The following ADAMTS6 variants were observed in gnomAD, a reference collection of about 807,000 sequenced individuals.
The protein encoded by ADAMTS6 is ADAM metallopeptidase with thrombospondin type 1 motif 6.
Under a neutral mutation model 144.3 loss-of-function variants are expected in ADAMTS6, and 23 were observed. That is an observed-to-expected ratio of 0.16 (90% CI 0.11 to 0.23). The LOEUF (loss-of-function observed/expected upper bound fraction) is 0.23, where lower values mean the gene tolerates loss of function less well. Among genes scored for constraint, ADAMTS6 ranks in the 10% least tolerant of loss-of-function variants. ADAMTS6 has a pLI of 1.00. For missense variants in ADAMTS6, 999 were observed against 1,379.6 expected, an observed-to-expected ratio of 0.72 and a Z score of 4.37; for synonymous variants, 444 against 457.5, an observed-to-expected ratio of 0.97 and a Z score of 0.38.
chr5:65,324,378 CTT>C (rs759600657), intron 9 of ADAMTS6, among the ~76,000 whole-genome samples: 16 of 151,886 alleles, frequency 1.1e-4, no homozygotes, highest in Non-Finnish European at 1.8e-4. Context: ...ATATGCAAAG[CTT>C]TTTTAGGACA....
chr5:65,465,161 C>G (rs1047827943), intron 3 of ADAMTS6, among the ~76,000 whole-genome samples: 2 of 152,162 alleles, frequency 1.3e-5, no homozygotes, highest in African/African-American at 2.4e-5. Context: ...ATATATTTAT[C>G]AAGTTCATTC....
intron 9 of ADAMTS6, among the ~76,000 whole-genome samples, chr5:65,302,370 A>G (rs1286503057): frequency 6.8e-6 from 1 of 146,430 alleles, no homozygotes; most frequent in East Asian, 2.0e-4. Flanking sequence ...GTTATATGTA[A>G]ATATATATTA....
intron 20 of ADAMTS6, among the ~76,000 whole-genome samples, chr5:65,203,929 G>C (rs1395635381): frequency 6.6e-6 from 1 of 152,148 alleles, no homozygotes; most frequent in Non-Finnish European, 1.5e-5. Context: ...CTCAAACTGT[G>C]GTTTCAGATT....
intron 9 of ADAMTS6, among the ~76,000 whole-genome samples, chr5:65,322,865 G>A (rs542970418): frequency 3.3e-5 from 5 of 152,012 alleles, no homozygotes; most frequent in Admixed American, 6.6e-5. Context: ...TTCGAATGCC[G>A]TTTATTTCTT....
At chr5:65,175,656 G>C (rs1365876899) in intron 22 of ADAMTS6, among the ~76,000 whole-genome samples, 1 of 151,424 alleles carries the variant, frequency 6.6e-6, no homozygotes, top group Non-Finnish European at 1.5e-5. Flanking sequence ...ATAACTTTTA[G>C]AGGAAACCTC....
intron 11 of ADAMTS6, among the ~76,000 whole-genome samples, chr5:65,278,717 T>C (rs928389874): frequency 3.3e-5 from 5 of 152,232 alleles, no homozygotes; most frequent in African/African-American, 4.8e-5. Context: ...TCTTTCTTTT[T>C]GACATACATC....
intron 8 of ADAMTS6, among the ~76,000 whole-genome samples, chr5:65,332,353 AATGTGTGT>A (rs1357008845): frequency 1.4e-5 from 2 of 147,936 alleles, no homozygotes; most frequent in East Asian, 2.0e-4. Context: ...TATATGTGCA[AATGTGTGT>A]ATGTGTGTAT....
At chr5:65,412,102 C>T (rs1357109141) in intron 7 of ADAMTS6, among the ~76,000 whole-genome samples, 1 of 151,932 alleles carries the variant, frequency 6.6e-6, no homozygotes, top group African/African-American at 2.4e-5. Context: ...AATTTAAGTA[C>T]AAAGTAAAGT....
chr5:65,223,889 T>C (rs1306305712), intron 18 of ADAMTS6, among the ~76,000 whole-genome samples: 1 of 151,176 alleles, frequency 6.6e-6, no homozygotes, highest in Non-Finnish European at 1.5e-5. Context: ...AAGCTCTGCC[T>C]CCTGGGTTCA....
At chr5:65,459,121 C>G (rs772303092) in intron 4 of ADAMTS6, among the ~76,000 whole-genome samples, 1 of 151,652 alleles carries the variant, frequency 6.6e-6, no homozygotes, top group East Asian at 1.9e-4. Context: ...AAGCTATCCT[C>G]CCGCCTCTTG....
At chr5:65,237,560 T>C (rs1203161900) in intron 15 of ADAMTS6, among the ~76,000 whole-genome samples, 1 of 151,998 alleles carries the variant, frequency 6.6e-6, no homozygotes, top group Non-Finnish European at 1.5e-5. Flanking sequence ...ATAACACCAA[T>C]CCTAAAATTC....
At chr5:65,389,191 G>A (rs1420039082) in intron 7 of ADAMTS6, among the ~76,000 whole-genome samples, 2 of 151,578 alleles carry the variant, frequency 1.3e-5, no homozygotes, top group Non-Finnish European at 2.9e-5. Flanking sequence ...GCGACAGAGC[G>A]AGACTCCATC....
chr5:65,185,169 T>C (rs1754595411), intron 22 of ADAMTS6, among the ~76,000 whole-genome samples: 1 of 152,216 alleles, frequency 6.6e-6, no homozygotes, highest in African/African-American at 2.4e-5. Flanking sequence ...ACAGGCTCCT[T>C]GTTCTCATTT....
intron 24 of ADAMTS6, among the ~76,000 whole-genome samples, chr5:65,152,346 C>G (rs572887740): frequency 2.2e-4 from 34 of 152,266 alleles, no homozygotes; most frequent in South Asian, 1.7e-3. Context: ...GCAAGGTTAT[C>G]CAAAATCAAA....
chr5:65,371,758 G>T (rs2150120894), intron 7 of ADAMTS6, among the ~76,000 whole-genome samples: 1 of 152,174 alleles, frequency 6.6e-6, no homozygotes, highest in South Asian at 2.1e-4. Flanking sequence ...TCAGATGCAG[G>T]AAATACAGAA....
At chr5:65,384,443 C>T (rs915804173) in intron 7 of ADAMTS6, among the ~76,000 whole-genome samples, 1 of 152,158 alleles carries the variant, frequency 6.6e-6, no homozygotes, top group African/African-American at 2.4e-5. Flanking sequence ...CCATCTTTCA[C>T]AAAGCAGCAG....
intron 1 of ADAMTS6, among the ~76,000 whole-genome samples, chr5:65,474,221 G>C (rs904876828): frequency 6.6e-6 from 1 of 152,042 alleles, no homozygotes; most frequent in African/African-American, 2.4e-5. Flanking sequence ...AAACTTTGAA[G>C]ATAACAATGA....
At chr5:65,253,738 A>AC (rs1760392707) in intron 14 of ADAMTS6, among the ~76,000 whole-genome samples, 3 of 151,456 alleles carry the variant, frequency 2.0e-5, no homozygotes, top group African/African-American at 7.3e-5. Flanking sequence ...CAGACATAAT[A>AC]CCATACTGTT....
chr5:65,451,748 T>G lies in ADAMTS6; in HGVS notation c.928-128A>C. 7 of 1,106,080 alleles carry G rather than the reference T, an allele frequency of 6.3e-6. No individual in the cohort carries two copies. In the South Asian group the frequency reaches 1.0e-4, roughly 16 times the overall value. The allele number at this position is 1,106,080 out of a possible 1,614,324, so 68.5% of individuals were successfully genotyped here. ...TCTAGGAATAATCTCTTGCCAATTTTTATCTCTGTAATATCTGACCTAGAG... is the reference window on the plus strand; with the variant it reads ...TCTAGGAATAATCTCTTGCCAATTTGTATCTCTGTAATATCTGACCTAGAG... On this transcript the variant is annotated intron_variant, in intron 6 of 24. Coordinates refer to ENST00000381055, the MANE Select transcript of ADAMTS6 (RefSeq NM_197941.4).
Sources: allele counts gnomAD v4.1 joint callset (sites outside exome capture counted in the v4.1 genomes callset), GRCh38; gene constraint gnomAD v4.1.1; transcripts MANE v1.5; gene names NCBI Gene and HGNC (gene_info 2026-07-23, HGNC 2026-07-21).